The following MYH10 variants were observed in gnomAD, a reference collection of about 807,000 sequenced individuals.
MYH10 encodes myosin heavy chain 10.
A neutral mutation model predicts 257.8 loss-of-function variants in MYH10; 55 were observed. The ratio of observed to expected loss-of-function variants is 0.21; its 90% confidence interval spans 0.17 to 0.27. The LOEUF (loss-of-function observed/expected upper bound fraction) is 0.27, where lower values mean the gene tolerates loss of function less well. Ranked by LOEUF, MYH10 falls within the 10% of genes least tolerant of loss-of-function variation. The pLI, the probability that MYH10 is intolerant of heterozygous loss-of-function variation, is 1.00. For missense variants in MYH10, 1,631 were observed against 2,500.6 expected, an observed-to-expected ratio of 0.65 and a Z score of 7.42; for synonymous variants, 854 against 921.7, an observed-to-expected ratio of 0.93 and a Z score of 1.33.
rs1250431211 is a variant in MYH10 at position 8,500,942 on chromosome 17, G to A, written c.3628C>T (p.Leu1210=). 1.2e-6 allele frequency: 2 copies of A among 1,614,024 alleles called. No individual in the cohort carries two copies. Among genetic ancestry groups the A allele is most frequent in the Admixed American group, 1.7e-5 (1 of 60,022 alleles). The change falls in exon 29 of 43, where the codon CTG becomes TTG. Residue 1210 remains leucine (L), a synonymous_variant. Transcript: ENST00000360416. ...GTTTCCTCCTCAAGAGCTTTCTTCAGCTCTGCCACTTCTTGTTCACGTTTT... is the reference window on the plus strand; with the variant it reads ...GTTTCCTCCTCAAGAGCTTTCTTCAACTCTGCCACTTCTTGTTCACGTTTT... ...RTKREQEVAE[L]KKALEEETKN...
intron 7 of MYH10, among the ~76,000 whole-genome samples, chr17:8,565,886 T>C (rs1355568371): frequency 6.6e-6 from 1 of 152,236 alleles, no homozygotes; most frequent in Non-Finnish European, 1.5e-5. Context: ...ATAACAAGCA[T>C]TAAATAGACT....
At chr17:8,576,551 A>G (rs1321766961) in intron 6 of MYH10, 92 bp downstream of exon 6, 14 of 1,240,462 alleles carry the variant, frequency 1.1e-5, no homozygotes, top group African/African-American at 1.5e-5. Flanking sequence ...TTCACTTAGA[A>G]CTAGTGGCAT....
At chr17:8,589,254 A>G (rs1428804607) in intron 3 of MYH10, 146 bp from the exon 4 acceptor site, 11 of 707,490 alleles carry the variant, frequency 1.6e-5, no homozygotes, top group Non-Finnish European at 2.1e-5. Context: ...CAACCCCATT[A>G]TACAGTCCTA....
intron 17 of MYH10, among the ~76,000 whole-genome samples, chr17:8,526,880 A>G (rs543002279): frequency 1.3e-5 from 2 of 152,342 alleles, no homozygotes; most frequent in East Asian, 3.9e-4. Context: ...TATAGCTGGA[A>G]ACCAAAAAAG....
chr17:8,600,386 A>C (rs959670167), intron 3 of MYH10, among the ~76,000 whole-genome samples: 1 of 151,878 alleles, frequency 6.6e-6, no homozygotes, highest in Non-Finnish European at 1.5e-5. Flanking sequence ...AGGAGATTGG[A>C]CTCTCTTCTC....
At chr17:8,480,865 G>GA (rs1913631217) in intron 38 of MYH10, among the ~76,000 whole-genome samples, 1 of 75,910 alleles carries the variant, frequency 1.3e-5, no homozygotes. Context: ...CCCCACCGCT[G>GA]AAACTCTTCA....
At chr17:8,571,182 T>G (rs941439930) in intron 6 of MYH10, among the ~76,000 whole-genome samples, 1 of 144,452 alleles carries the variant, frequency 6.9e-6, no homozygotes, top group African/African-American at 2.5e-5. Context: ...AGTTTTTGTT[T>G]TTTTTTTTTT....
intron 2 of MYH10, among the ~76,000 whole-genome samples, chr17:8,607,885 C>A (rs73973178): frequency 0.022 from 3,353 of 152,096 alleles, 140 homozygotes; most frequent in African/African-American, 0.076. Flanking sequence ...CACAACAAAC[C>A]CCAGGCACTG....
At chr17:8,482,456 G>A (rs1454346216) in intron 37 of MYH10, among the ~76,000 whole-genome samples, 2 of 152,188 alleles carry the variant, frequency 1.3e-5, no homozygotes, top group Non-Finnish European at 2.9e-5. Flanking sequence ...GGCAGCTGAC[G>A]GAATGTTCCA....
Position 8,588,422 on chromosome 17 carries a change from T to C in MYH10, c.530+659A>G, listed in dbSNP as rs570005135. Among the ~76,000 whole-genome samples the C allele has an allele frequency of 1.6e-4, 24 of 152,346 alleles. No individual in the cohort carries two copies. In the South Asian group the frequency reaches 4.8e-3, roughly 30 times the overall value. ...ACCTGTTCTTCCTCCCATGTTCCCA[T>C]GTCAGGAGATTTCAGCAACAAAACC... On this transcript the variant is annotated intron_variant, in intron 4 of 42. Coordinates refer to ENST00000360416, the MANE Select transcript of MYH10 (RefSeq NM_001256012.3).
intron 16 of MYH10, among the ~76,000 whole-genome samples, chr17:8,534,230 C>T (rs2082080518): frequency 6.6e-6 from 1 of 152,208 alleles, no homozygotes; most frequent in Non-Finnish European, 1.5e-5. Context: ...ACTCAGTAGT[C>T]AGTTGAAGAC....
chr17:8,505,762 C>T (rs1034625212), intron 27 of MYH10, among the ~76,000 whole-genome samples: 4 of 152,182 alleles, frequency 2.6e-5, no homozygotes, highest in Non-Finnish European at 5.9e-5. Context: ...AGGTGGATCA[C>T]TTGGGGTCAG....
At chr17:8,533,745 C>G (rs559485628) in intron 16 of MYH10, among the ~76,000 whole-genome samples, 1 of 152,322 alleles carries the variant, frequency 6.6e-6, no homozygotes, top group South Asian at 2.1e-4. Context: ...TAAAAATTCA[C>G]TGTACCATTC....
In MYH10 at chr17:8,490,524, G is replaced by A; in HGVS notation, c.4700C>T (p.Ala1567Val). The A allele has an allele frequency of 6.2e-7, 1 of 1,614,200 alleles. No homozygotes were observed. Among genetic ancestry groups the A allele is most frequent in the Non-Finnish European group, 8.5e-7 (1 of 1,180,036 alleles). The part of the protein sequence containing the change: ...NVHELEKSKR[A>V]LEQQVEEMRT... ...CATTTCCTCCACCTGCTGCTCTAGG[G>A]CCCGTTTGGATTTTTCAAGTTCGTG... Residue 1567 changes from alanine to valine, a missense_variant, in exon 35 of 43, where the codon GCC becomes GTC. This residue lies in a region of MYH10 where 463 missense variants were observed against 621.8 expected (regional missense o/e 0.74). Transcript: ENST00000360416. The surrounding 1 kb of genome is among the most constrained non-coding windows in gnomAD (Gnocchi z 4.1).
intron 17 of MYH10, chr17:8,521,663 T>C (rs1395653686): frequency 5.2e-6 from 1 of 191,004 alleles, no homozygotes; most frequent in Non-Finnish European, 1.1e-5. Flanking sequence ...GGCCTCCAAA[T>C]AGGAAATGGC....
chr17:8,553,811 A>G (rs904331246), intron 8 of MYH10, 144 bp downstream of exon 8: 2 of 638,190 alleles, frequency 3.1e-6, no homozygotes, highest in Admixed American at 5.6e-5. Context: ...TCACTAGTCG[A>G]AAGTATTTGA....
In MYH10 at chr17:8,554,066, T is replaced by C. The variant is rs370582707; in HGVS notation, c.757-48A>G. 5.0e-5 allele frequency: 66 copies of C among 1,310,502 alleles called. No homozygotes were observed. The African/African-American group carries it at 8.6e-4, about 17-fold the overall frequency. 81.2% of individuals were successfully genotyped at this position (1,310,502 alleles called of 1,614,324 possible). ...AAATTGAAAATAAGTAAGTACATACTGGATATGAACACTAATAAACTAAGA... is the reference window on the plus strand; with the variant it reads ...AAATTGAAAATAAGTAAGTACATACCGGATATGAACACTAATAAACTAAGA... On this transcript the variant is annotated intron_variant, in intron 7 of 42. Transcript: ENST00000360416.
In MYH10 at chr17:8,569,596, T is replaced by C. The variant is rs1256720151; in HGVS notation, c.756+124A>G. 1.7e-6 allele frequency: 1 copy of C among 605,482 alleles called. No homozygotes were observed. Among genetic ancestry groups the C allele is most frequent in the African/African-American group, 1.9e-5 (1 of 52,810 alleles). 37.5% of individuals were successfully genotyped at this position (605,482 alleles called of 1,614,324 possible). On this transcript the variant is annotated intron_variant, in intron 7 of 42. Transcript: ENST00000360416. The surrounding 1 kb of genome is among the most constrained non-coding windows in gnomAD (Gnocchi z 4.1). ...AAATTACATGTGAGCTTGTATTATG[T>C]CTACAGAACTACATCTATTAGCTTC...
chr17:8,477,136 C>G lies in MYH10; in HGVS notation c.5707-88G>C, dbSNP rs1482741742. ...ACCCCGAGCGTGGCAGTGTGGGGCTCTGCCTGTTACCCTTGTGAGCACGCG... is the reference window on the plus strand; with the variant it reads ...ACCCCGAGCGTGGCAGTGTGGGGCTGTGCCTGTTACCCTTGTGAGCACGCG... On this transcript the variant is annotated intron_variant, in intron 41 of 42. Transcript: ENST00000360416. This position sits in a 1 kb window ranked among gnomAD's most constrained non-coding sequence, Gnocchi z 4.2. 3.4e-6 allele frequency: 5 copies of G among 1,475,018 alleles called. No individual in the cohort carries two copies. In the East Asian group the frequency reaches 1.1e-4, roughly 34 times the overall value. The allele number at this position is 1,475,018 out of a possible 1,614,324, so 91.4% of individuals were successfully genotyped here. A position where few individuals can be genotyped will look rare whatever the true frequency, so the allele number is the denominator to read the frequency against.
Sources: allele counts gnomAD v4.1 joint callset (sites outside exome capture counted in the v4.1 genomes callset), GRCh38; gene constraint gnomAD v4.1.1; regional missense constraint gnomAD v4.1.1; non-coding constraint Gnocchi (gnomAD v3.1); transcripts MANE v1.5; gene names NCBI Gene and HGNC (gene_info 2026-07-23, HGNC 2026-07-21).